The following UBE3B variants were observed in gnomAD, a reference collection of about 807,000 sequenced individuals.
UBE3B encodes the protein ubiquitin-protein ligase E3B.
A neutral mutation model predicts 132.3 loss-of-function variants in UBE3B; 80 were observed. The observed-to-expected ratio is 0.60, with a 90% CI of 0.50 to 0.73. UBE3B has a LOEUF of 0.73. Ranked by LOEUF, UBE3B falls within the 30% of genes least tolerant of loss-of-function variation. UBE3B has a pLI of 0.00. For missense variants in UBE3B, 1,196 were observed against 1,362.5 expected, an observed-to-expected ratio of 0.88 and a Z score of 1.92; for synonymous variants, 487 against 520.4, an observed-to-expected ratio of 0.94 and a Z score of 0.87.
At chr12:109,529,025 GT>G (rs1194267202) in intron 24 of UBE3B, among the ~76,000 whole-genome samples, 1 of 152,046 alleles carries the variant, frequency 6.6e-6, no homozygotes, top group Non-Finnish European at 1.5e-5. Context: ...ACTGGGTGTG[GT>G]GGTGCATGCC....
chr12:109,497,501 C>G (rs1878368924), intron 9 of UBE3B, among the ~76,000 whole-genome samples: 1 of 152,142 alleles, frequency 6.6e-6, no homozygotes, highest in Admixed American at 6.6e-5. Flanking sequence ...CCCTCCCTCC[C>G]CATCACAAAC....
At chr12:109,516,054 T>G (rs1197191295) in intron 18 of UBE3B, among the ~76,000 whole-genome samples, 2 of 152,192 alleles carry the variant, frequency 1.3e-5, no homozygotes, top group African/African-American at 4.8e-5. Context: ...TAATATTGAT[T>G]TCCCTTAAAG....
Position 109,486,585 on chromosome 12 carries a change from A to C in UBE3B, c.447+10A>C, listed in dbSNP as rs1318526354. ...TCTCAAGCAGCTCAAGGTAACAAAAAAAAAAAAAAAAAAAAAAAGCAAAAC... is the reference window on the plus strand; with the variant it reads ...TCTCAAGCAGCTCAAGGTAACAAAACAAAAAAAAAAAAAAAAAAGCAAAAC... On this transcript the variant is annotated intron_variant, in intron 6 of 27. Transcript: ENST00000342494. The C allele has an allele frequency of 3.2e-5, 37 of 1,158,502 alleles. No homozygotes were observed. Among genetic ancestry groups the C allele is most frequent in the Non-Finnish European group, 2.8e-5 (24 of 847,294 alleles). The allele number at this position is 1,158,502 out of a possible 1,614,324, so 71.8% of individuals were successfully genotyped here.
Position 109,514,999 on chromosome 12 carries a change from C to T in UBE3B, c.1957-1766C>T, listed in dbSNP as rs1267603148. ...CGCGATCTCAGCTCACTGCAAGCTC[C>T]ACCTACCGGGTTCACGCCATTCTCC... On this transcript the variant is annotated intron_variant, in intron 18 of 27. Coordinates refer to ENST00000342494, the MANE Select transcript of UBE3B (RefSeq NM_130466.4). Among the ~76,000 whole-genome samples, 24 of 151,980 alleles carry T rather than the reference C, an allele frequency of 1.6e-4. 1 individual carries two copies. In the South Asian group the frequency reaches 5.0e-3, roughly 32 times the overall value.
chr12:109,530,546 G>A lies in UBE3B; in HGVS notation c.2811-1G>A. 1.2e-6 allele frequency: 2 copies of A among 1,614,006 alleles called. No homozygotes were observed. The highest frequency in any genetic ancestry group is 1.7e-6 in the Non-Finnish European group (2 of 1,179,960). ...TGAGCCCAGGTCTGTATTGCTTTCA[G>A]GAAGCACACAGTCTACTACGGTGGT... On this transcript the variant is annotated splice_acceptor_variant, in intron 25 of 27. Coordinates refer to ENST00000342494, the MANE Select transcript of UBE3B (RefSeq NM_130466.4). LOFTEE classifies it high-confidence loss of function.
At chr12:109,496,107 A>G (rs947284437) in intron 9 of UBE3B, among the ~76,000 whole-genome samples, 9 of 152,200 alleles carry the variant, frequency 5.9e-5, no homozygotes, top group African/African-American at 9.7e-5. Flanking sequence ...CAACTAATCT[A>G]CTTTCTATCT....
chr12:109,523,815 T>C lies in UBE3B; in HGVS notation c.2365-163T>C, dbSNP rs1488226948. 2.0e-5 allele frequency among the ~76,000 whole-genome samples: 3 copies of C among 152,140 alleles called. No individual in the cohort carries two copies. In the South Asian group the frequency reaches 6.2e-4, roughly 32 times the overall value. On this transcript the variant is annotated intron_variant, in intron 21 of 27. Transcript: ENST00000342494. ...GTCCCCAGGAGGCACTCAGTTGTAT[T>C]TGGTAGAGGATGGGGAGATACTGCC... is the stretch of plus-strand genomic sequence containing the variant.
Position 109,535,015 on chromosome 12 carries a change from T to G in UBE3B, c.*233T>G. ...GGGCTGCAGAAAATAAACCTCCAGATTCCACCAACACGGGTCCATTCTTCC... is the reference window on the plus strand; with the variant it reads ...GGGCTGCAGAAAATAAACCTCCAGAGTCCACCAACACGGGTCCATTCTTCC... On this transcript the variant is annotated 3_prime_UTR_variant, in exon 28 of 28. Transcript: ENST00000342494. 1.1e-5 allele frequency: 4 copies of G among 380,586 alleles called. No individual in the cohort carries two copies. Among genetic ancestry groups the G allele is most frequent in the Non-Finnish European group, 1.9e-5 (4 of 214,900 alleles). 23.6% of individuals were successfully genotyped at this position (380,586 alleles called of 1,614,324 possible). A position where few individuals can be genotyped will look rare whatever the true frequency, so the allele number is the denominator to read the frequency against.
chr12:109,526,154 G>A (rs1464336882), intron 23 of UBE3B, among the ~76,000 whole-genome samples: 1 of 152,064 alleles, frequency 6.6e-6, no homozygotes. Flanking sequence ...GATTGGGTGA[G>A]AAAAAAACCT....
At position 109,518,582 on chromosome 12, in the gene UBE3B, C is replaced by T. The variant is rs540572148; in HGVS notation, c.2076+1698C>T. On this transcript the variant is annotated intron_variant, in intron 19 of 27. Coordinates refer to ENST00000342494, the MANE Select transcript of UBE3B (RefSeq NM_130466.4). ...CATCTCCCTTGTCTCTAGAAATCCTCAGCCCCACTACCCATCACGCCTACC... is the reference window on the plus strand; with the variant it reads ...CATCTCCCTTGTCTCTAGAAATCCTTAGCCCCACTACCCATCACGCCTACC... Among the ~76,000 whole-genome samples, 4 of 152,320 alleles carry T rather than the reference C, an allele frequency of 2.6e-5. No homozygotes were observed. In the East Asian group the frequency reaches 7.7e-4, roughly 29 times the overall value.
chr12:109,532,683 G>A (rs994378776), intron 26 of UBE3B, among the ~76,000 whole-genome samples: 9 of 152,202 alleles, frequency 5.9e-5, no homozygotes, highest in Admixed American at 5.2e-4. Flanking sequence ...CAGGAATAAC[G>A]CAGGGGCTGC....
chr12:109,516,976 T>A (rs1454926717), intron 19 of UBE3B, 92 bp downstream of exon 19: 6 of 1,499,294 alleles, frequency 4.0e-6, no homozygotes, highest in Non-Finnish European at 4.5e-6. Context: ...TTTGAACTGT[T>A]CCTGTTACTC....
At chr12:109,506,549 T>TA (rs1879711187) in intron 14 of UBE3B, among the ~76,000 whole-genome samples, 3 of 152,120 alleles carry the variant, frequency 2.0e-5, no homozygotes, top group African/African-American at 7.2e-5. Flanking sequence ...GTGTTTCTCA[T>TA]CATGTTGGCC....
chr12:109,497,447 A>G (rs1371786697), intron 9 of UBE3B, among the ~76,000 whole-genome samples: 1 of 152,136 alleles, frequency 6.6e-6, no homozygotes, highest in Non-Finnish European at 1.5e-5. Context: ...AGCACCACCC[A>G]ATAGAGAAAT....
the UBE3B span, among the ~76,000 whole-genome samples, chr12:109,547,470 C>T: frequency 6.6e-6 from 1 of 152,272 alleles, no homozygotes; most frequent in Non-Finnish European, 1.5e-5. This position sits in a 1 kb window ranked among gnomAD's most constrained non-coding sequence, Gnocchi z 4.1. Context: ...CACATGTACA[C>T]ACGCACACGC....
At chr12:109,490,666 G>A in intron 8 of UBE3B, 4 of 1,497,756 alleles carry the variant, frequency 2.7e-6, no homozygotes, top group Non-Finnish European at 2.7e-6. Flanking sequence ...TTTAAGTCTG[G>A]CATTATTTGT....
rs1210674768 is a variant in UBE3B at position 109,534,218 on chromosome 12, C to T, written c.3016-373C>T. 1.6e-6 allele frequency: 2 copies of T among 1,243,574 alleles called. No individual in the cohort carries two copies. Among genetic ancestry groups the T allele is most frequent in the Admixed American group, 6.4e-5 (2 of 31,292 alleles). 77.0% of individuals were successfully genotyped at this position (1,243,574 alleles called of 1,614,324 possible). ...AGTTGGCCCAAGTCATGGTCTGCCA[C>T]CGGCCACAGCACCGGTGAGGAGGGA... On this transcript the variant is annotated intron_variant, in intron 27 of 27. Transcript: ENST00000342494. The surrounding 1 kb of genome is among the most constrained non-coding windows in gnomAD (Gnocchi z 5.2).
At chr12:109,527,967 A>G (rs1882542230) in intron 24 of UBE3B, among the ~76,000 whole-genome samples, 1 of 152,150 alleles carries the variant, frequency 6.6e-6, no homozygotes, top group African/African-American at 2.4e-5. Context: ...TGGGGGTGAC[A>G]GTAGGTAGTC....
the UBE3B span, among the ~76,000 whole-genome samples, chr12:109,543,790 C>A: frequency 3.3e-5 from 5 of 151,762 alleles, no homozygotes; most frequent in Admixed American, 2.6e-4. Context: ...GCTGAGATTG[C>A]GCCACTGCAC....
Sources: allele counts gnomAD v4.1 joint callset (sites outside exome capture counted in the v4.1 genomes callset), GRCh38; gene constraint gnomAD v4.1.1; non-coding constraint Gnocchi (gnomAD v3.1); transcripts MANE v1.5; gene names NCBI Gene and HGNC (gene_info 2026-07-23, HGNC 2026-07-21).